Variants in SSTR2 observed in about 807,000 individuals in gnomAD.
The protein encoded by SSTR2 is somatostatin receptor type 2.
A neutral mutation model predicts 21.4 loss-of-function variants in SSTR2; 10 were observed. That is an observed-to-expected ratio of 0.47 (90% CI 0.29 to 0.79). The LOEUF is 0.79. Among genes scored for constraint, SSTR2 ranks in the 30% least tolerant of loss-of-function variants. The probability of loss-of-function intolerance (pLI) is 0.10; values close to 1 mark genes in which losing one functional copy is unlikely to be tolerated. For synonymous variants in SSTR2, 177 were observed against 181.3 expected (o/e 0.98, Z 0.19); for missense variants, 364 against 468.8 (o/e 0.78, Z 2.06).
intron 1 of SSTR2, among the ~76,000 whole-genome samples, chr17:73,165,839 C>G (rs1159007039): frequency 2.0e-5 from 3 of 150,858 alleles, no homozygotes; most frequent in African/African-American, 4.9e-5. Flanking sequence ...GACAGTTTGT[C>G]TAGGTTTGGA....
In SSTR2 at chr17:73,172,534, C is replaced by A. The variant is rs1599310860; in HGVS notation, c.*2105C>A. On this transcript the variant is annotated 3_prime_UTR_variant, in exon 2 of 2. Coordinates refer to ENST00000357585, the MANE Select transcript of SSTR2 (RefSeq NM_001050.3). Reference sequence around the variant, plus strand: ...TCACACCACCTCACTCCCAAAAGTACTTCCTGTGGCTCAGAAAAATATGTT... The same window carrying A: ...TCACACCACCTCACTCCCAAAAGTAATTCCTGTGGCTCAGAAAAATATGTT... 6.6e-6 allele frequency: 1 copy of A among 152,196 alleles called. No individual in the cohort carries two copies. Among genetic ancestry groups the A allele is most frequent in the African/African-American group, 2.4e-5 (1 of 41,440 alleles). The allele number at this position is 152,196 out of a possible 1,614,324, so 9.4% of individuals were successfully genotyped here. A position where few individuals can be genotyped will look rare whatever the true frequency, so the allele number is the denominator to read the frequency against.
rs990636149 is a variant in SSTR2, at chr17:73,171,010, T to C, written c.*581T>C. On this transcript the variant is annotated 3_prime_UTR_variant, in exon 2 of 2. Coordinates refer to ENST00000357585, the MANE Select transcript of SSTR2 (RefSeq NM_001050.3). ...AGGAGGGACTTGGGCAGTATGTTCA[T>C]GTGGTCATATGTTTTTGTAAAAAAT... is the stretch of plus-strand genomic sequence containing the variant. 4 of 216,636 alleles carry C rather than the reference T, an allele frequency of 1.8e-5. No homozygotes were observed. Among genetic ancestry groups the C allele is most frequent in the Non-Finnish European group, 3.1e-5 (3 of 97,020 alleles). 13.4% of individuals were successfully genotyped at this position (216,636 alleles called of 1,614,324 possible).
Position 73,170,495 on chromosome 17 carries a change from A to G in SSTR2, c.*66A>G. ...TACTGGCAATGGGCTCCCTACCCAC[A>G]CTGGCTTCCTGCCTCCCACCCCTCA... On this transcript the variant is annotated 3_prime_UTR_variant, in exon 2 of 2. Transcript: ENST00000357585. 1 of 1,576,162 alleles carries G rather than the reference A, an allele frequency of 6.3e-7. No individual in the cohort carries two copies.
In SSTR2 at chr17:73,176,094, C is replaced by T. The variant is rs2061248116; in HGVS notation, c.*5665C>T. On this transcript the variant is annotated 3_prime_UTR_variant, in exon 2 of 2. Transcript: ENST00000357585. ...ATCTGCTTGTCTTAAGAGAGGAAGACCCACGACCAGCTCTCTGGGACTACC... is the reference window on the plus strand; with the variant it reads ...ATCTGCTTGTCTTAAGAGAGGAAGATCCACGACCAGCTCTCTGGGACTACC... 6.6e-6 allele frequency: 1 copy of T among 152,104 alleles called. No individual in the cohort carries two copies. Among genetic ancestry groups the T allele is most frequent in the Non-Finnish European group, 1.5e-5 (1 of 68,032 alleles). 9.4% of individuals were successfully genotyped at this position (152,104 alleles called of 1,614,324 possible).
rs1004519807 is a variant in SSTR2 at position 73,174,047 on chromosome 17, T to G, written c.*3618T>G. On this transcript the variant is annotated 3_prime_UTR_variant, in exon 2 of 2. Coordinates refer to ENST00000357585, the MANE Select transcript of SSTR2 (RefSeq NM_001050.3). The stretch of plus-strand genomic sequence containing the variant: ...AGGAGGCTGAGACAGGAGAATCGCT[T>G]GAACCCGGGAGGCGAAGGTTGCAGT... The G allele has an allele frequency of 3.3e-5, 5 of 149,930 alleles. No individual in the cohort carries two copies. The highest frequency in any genetic ancestry group is 1.2e-4 in the African/African-American group (5 of 40,484). The allele number at this position is 149,930 out of a possible 1,614,324, so 9.3% of individuals were successfully genotyped here. A position where few individuals can be genotyped will look rare whatever the true frequency, so the allele number is the denominator to read the frequency against.
Position 73,169,924 on chromosome 17 carries a change from G to C in SSTR2, c.605G>C (p.Gly202Ala), listed in dbSNP as rs1259860244. The change falls in exon 2 of 2, where the codon GGG becomes GCG. Residue 202 changes from glycine to alanine, a missense_variant. Transcript: ENST00000357585. The surrounding 1 kb of genome is among the most constrained non-coding windows in gnomAD (Gnocchi z 5.2). ...SCTINWPGES[G>A]AWYTGFIIYT... ...ACCATCAACTGGCCAGGTGAATCTGGGGCTTGGTACACAGGGTTCATCATC... is the reference window on the plus strand; with the variant it reads ...ACCATCAACTGGCCAGGTGAATCTGCGGCTTGGTACACAGGGTTCATCATC... The C allele has an allele frequency of 1.2e-6, 2 of 1,608,270 alleles. No individual in the cohort carries two copies. Among genetic ancestry groups the C allele is most frequent in the South Asian group, 1.1e-5 (1 of 90,402 alleles).
At position 73,171,780 on chromosome 17, in the gene SSTR2, G is replaced by C. The variant is rs1337128017; in HGVS notation, c.*1351G>C. 6.6e-6 allele frequency: 1 copy of C among 151,840 alleles called. No homozygotes were observed. The highest frequency in any genetic ancestry group is 1.5e-5 in the Non-Finnish European group (1 of 67,962). 9.4% of individuals were successfully genotyped at this position (151,840 alleles called of 1,614,324 possible). A position where few individuals can be genotyped will look rare whatever the true frequency, so the allele number is the denominator to read the frequency against. ...TACTAAAAATATGTAAATTAGTCGG[G>C]CGTGGTGTCACGTGCCTGTAATCCT... On this transcript the variant is annotated 3_prime_UTR_variant, in exon 2 of 2. Transcript: ENST00000357585.
In SSTR2 at chr17:73,172,936, G is replaced by A. The variant is rs1462076533; in HGVS notation, c.*2507G>A. 1.3e-5 allele frequency: 2 copies of A among 152,190 alleles called. No individual in the cohort carries two copies. Among genetic ancestry groups the A allele is most frequent in the African/African-American group, 4.8e-5 (2 of 41,432 alleles). 9.4% of individuals were successfully genotyped at this position (152,190 alleles called of 1,614,324 possible). On this transcript the variant is annotated 3_prime_UTR_variant, in exon 2 of 2. Transcript: ENST00000357585. Reference sequence around the variant, plus strand: ...CTAATTCTACAGGCCGGGCGTGGTGGCTTATGCCTGTAATCCCACACTTTG... The same window carrying A: ...CTAATTCTACAGGCCGGGCGTGGTGACTTATGCCTGTAATCCCACACTTTG...
chr17:73,170,507 C>A lies in SSTR2; in HGVS notation c.*78C>A. 6.5e-7 allele frequency: 1 copy of A among 1,535,930 alleles called. No individual in the cohort carries two copies. The highest frequency in any genetic ancestry group is 8.9e-7 in the Non-Finnish European group (1 of 1,125,752). On this transcript the variant is annotated 3_prime_UTR_variant, in exon 2 of 2. Transcript: ENST00000357585. ...GCTCCCTACCCACACTGGCTTCCTG[C>A]CTCCCACCCCTCACACCTGGCTTCT...
Position 73,169,046 on chromosome 17 carries a change from G to A in SSTR2, c.-92-182G>A, listed in dbSNP as rs2061225114. Among the ~76,000 whole-genome samples the A allele has an allele frequency of 6.6e-6, 1 of 152,108 alleles. No individual in the cohort carries two copies. Among genetic ancestry groups the A allele is most frequent in the African/African-American group, 2.4e-5 (1 of 41,396 alleles). Reference sequence around the variant, plus strand: ...TGAACCCAAACCCTTCCCTACTATTGGAAAAACAACTCAAAAAGTCTGCAC... The same window carrying A: ...TGAACCCAAACCCTTCCCTACTATTAGAAAAACAACTCAAAAAGTCTGCAC... On this transcript the variant is annotated intron_variant, in intron 1 of 1. Transcript: ENST00000357585. This position sits in a 1 kb window ranked among gnomAD's most constrained non-coding sequence, Gnocchi z 5.2.
rs565413734 is a variant in SSTR2, at chr17:73,171,377, A to G, written c.*948A>G. The G allele has an allele frequency of 2.8e-4, 47 of 165,874 alleles. No individual in the cohort carries two copies. Among genetic ancestry groups the G allele is most frequent in the African/African-American group, 1.1e-3 (43 of 40,546 alleles). 10.3% of individuals were successfully genotyped at this position (165,874 alleles called of 1,614,324 possible). A position where few individuals can be genotyped will look rare whatever the true frequency, so the allele number is the denominator to read the frequency against. On this transcript the variant is annotated 3_prime_UTR_variant, in exon 2 of 2. Coordinates refer to ENST00000357585, the MANE Select transcript of SSTR2 (RefSeq NM_001050.3). Reference sequence around the variant, plus strand: ...CTTTAGTTTTTCTTAGGGAGCTATGAGGGGGAAAAATCACTAACATGAAAG... The same window carrying G: ...CTTTAGTTTTTCTTAGGGAGCTATGGGGGGGAAAAATCACTAACATGAAAG...
In SSTR2 at chr17:73,169,206, A is replaced by C; in HGVS notation, c.-92-22A>C. The C allele has an allele frequency of 7.6e-7, 1 of 1,324,266 alleles. No homozygotes were observed. Among genetic ancestry groups the C allele is most frequent in the South Asian group, 1.5e-5 (1 of 65,310 alleles). The allele number at this position is 1,324,266 out of a possible 1,614,324, so 82.0% of individuals were successfully genotyped here. On this transcript the variant is annotated intron_variant, in intron 1 of 1. Coordinates refer to ENST00000357585, the MANE Select transcript of SSTR2 (RefSeq NM_001050.3). This position sits in a 1 kb window ranked among gnomAD's most constrained non-coding sequence, Gnocchi z 5.2. Reference sequence around the variant, plus strand: ...TTAAACAGCCTGTGACCGACGGGCCAATCTTCCTCTTTTCCTTCCAGATGT... The same window carrying C: ...TTAAACAGCCTGTGACCGACGGGCCCATCTTCCTCTTTTCCTTCCAGATGT...
At chr17:73,165,942 G>GT (rs771598355) in intron 1 of SSTR2, among the ~76,000 whole-genome samples, 110 of 142,440 alleles carry the variant, frequency 7.7e-4, no homozygotes, top group Middle Eastern at 3.5e-3. Context: ...TGTCCTCAGC[G>GT]CCCCCCCCCC....
In SSTR2 at chr17:73,170,071, A is replaced by G. The variant is rs1161978079; in HGVS notation, c.752A>G (p.Glu251Gly). The change falls in exon 2 of 2, where the codon GAG becomes GGG. Residue 251 changes from glutamate (E) to glycine (G), a missense_variant. Glu to Gly is a moderately conservative substitution (Grantham distance 98). Coordinates refer to ENST00000357585, the MANE Select transcript of SSTR2 (RefSeq NM_001050.3). ...RVGSSKRKKS[E>G]KKVTRMVSIV... is the part of the protein sequence containing the mutation. ...GGCTCCTCTAAGAGGAAGAAGTCTGAGAAGAAGGTCACCCGAATGGTGTCC... is the reference window on the plus strand; with the variant it reads ...GGCTCCTCTAAGAGGAAGAAGTCTGGGAAGAAGGTCACCCGAATGGTGTCC... 6.2e-7 allele frequency: 1 copy of G among 1,613,868 alleles called. No individual in the cohort carries two copies. Among genetic ancestry groups the G allele is most frequent in the Non-Finnish European group, 8.5e-7 (1 of 1,179,852 alleles).
intron 1 of SSTR2, chr17:73,167,937 A>T (rs1288852490): frequency 3.3e-5 from 5 of 152,274 alleles, no homozygotes; most frequent in African/African-American, 7.2e-5. Flanking sequence ...TCTTAAGCCA[A>T]GCCAATAGTG....
Position 73,170,086 on chromosome 17 carries a change from G to T in SSTR2, c.767G>T (p.Arg256Leu). ...AAGAAGTCTGAGAAGAAGGTCACCC[G>T]AATGGTGTCCATCGTGGTGGCTGTC... is the stretch of plus-strand genomic sequence containing the variant. ...KRKKSEKKVT[R>L]MVSIVVAVFI... Residue 256 changes from arginine (R) to leucine (L), a missense_variant, in exon 2 of 2, where the codon CGA (arginine) becomes CTA (leucine). Physicochemically the swap from Arg to Leu is moderately radical, Grantham distance 102 (BLOSUM62 -2). This residue lies in a region of SSTR2 where 193 missense variants were observed against 273.1 expected (regional missense o/e 0.71). Transcript: ENST00000357585. 1 of 1,614,134 alleles carries T rather than the reference G, an allele frequency of 6.2e-7. No homozygotes were observed. Among genetic ancestry groups the T allele is most frequent in the Non-Finnish European group, 8.5e-7 (1 of 1,180,034 alleles).
Position 73,172,256 on chromosome 17 carries a change from G to A in SSTR2, c.*1827G>A, listed in dbSNP as rs984890554. On this transcript the variant is annotated 3_prime_UTR_variant, in exon 2 of 2. Coordinates refer to ENST00000357585, the MANE Select transcript of SSTR2 (RefSeq NM_001050.3). The stretch of plus-strand genomic sequence containing the variant: ...GACATTTACAAGCGATAAGAAAAGA[G>A]ACAATATCCATTTCATTGACTGATC... 1 of 152,198 alleles carries A rather than the reference G, an allele frequency of 6.6e-6. No homozygotes were observed. The highest frequency in any genetic ancestry group is 2.1e-4 in the South Asian group (1 of 4,834). 9.4% of individuals were successfully genotyped at this position (152,198 alleles called of 1,614,324 possible). A position where few individuals can be genotyped will look rare whatever the true frequency, so the allele number is the denominator to read the frequency against.
rs200729640 is a variant in SSTR2, at chr17:73,169,425, C to A, written c.106C>A (p.Pro36Thr). The change falls in exon 2 of 2, where the codon CCG becomes ACG. Residue 36 changes from proline (P) to threonine (T), a missense_variant. Transcript: ENST00000357585. This position sits in a 1 kb window ranked among gnomAD's most constrained non-coding sequence, Gnocchi z 5.2. ...AACCAACACCTCAAACCAGACAGAG[C>A]CGTACTATGACCTGACAAGCAATGC... Reference protein sequence around the residue: ...VSTNTSNQTEPYYDLTSNAVL... With the variant: ...VSTNTSNQTETYYDLTSNAVL... 1.2e-6 allele frequency: 2 copies of A among 1,614,252 alleles called. No individual in the cohort carries two copies. The highest frequency in any genetic ancestry group is 2.7e-5 in the African/African-American group (2 of 75,070).
rs1008795151 is a variant in SSTR2, at chr17:73,169,392, G to A, written c.73G>A (p.Val25Met). ...LSIPFDLNGS[V>M]VSTNTSNQTE... ...CATTCCATTTGACCTCAATGGCTCTGTGGTGTCAACCAACACCTCAAACCA... is the reference window on the plus strand; with the variant it reads ...CATTCCATTTGACCTCAATGGCTCTATGGTGTCAACCAACACCTCAAACCA... The change falls in exon 2 of 2, where the codon GTG (valine) becomes ATG (methionine). Residue 25 changes from valine to methionine, a missense_variant. Around this residue, in one of 4 missense-constraint regions of SSTR2, gnomAD observed 75 missense variants for 75.4 expected, o/e 0.99. Coordinates refer to ENST00000357585, the MANE Select transcript of SSTR2 (RefSeq NM_001050.3). The surrounding 1 kb of genome is among the most constrained non-coding windows in gnomAD (Gnocchi z 5.2). 1 of 1,614,098 alleles carries A rather than the reference G, an allele frequency of 6.2e-7. No homozygotes were observed. The highest frequency in any genetic ancestry group is 1.3e-5 in the African/African-American group (1 of 74,938).
Sources: gnomAD v4.1 joint callset for allele counts (sites outside exome capture counted in the v4.1 genomes callset) on GRCh38, gnomAD v4.1.1 for gene constraint, gnomAD v4.1.1 regional missense constraint, Gnocchi (gnomAD v3.1) non-coding constraint, MANE v1.5 for transcripts, NCBI Gene and HGNC (gene_info 2026-07-23, HGNC 2026-07-21) for gene names.